TRIP12: variants seen among roughly 807,000 people sequenced by gnomAD.
TRIP12 encodes E3 ubiquitin-protein ligase TRIP12.
Under a neutral mutation model 244.2 loss-of-function variants are expected in TRIP12, and 25 were observed. That is an observed-to-expected ratio of 0.10 (90% confidence interval 0.07 to 0.14). The LOEUF (loss-of-function observed/expected upper bound fraction) is 0.14, where lower values mean the gene tolerates loss of function less well. TRIP12 is among the 10% of genes least tolerant of loss of function. The pLI, the probability that TRIP12 is intolerant of heterozygous loss-of-function variation, is 1.00. For missense variants in TRIP12, 1,677 were observed against 2,486.4 expected, an observed-to-expected ratio of 0.67 and a Z score of 6.92; for synonymous variants, 905 against 873.1, an observed-to-expected ratio of 1.04 and a Z score of -0.64.
intron 1 of TRIP12, 37 bp downstream of exon 1, chr2:229,921,843 G>A (rs1271253615): frequency 3.2e-5 from 1 of 31,504 alleles, no homozygotes; most frequent in African/African-American, 1.4e-4. Context: ...CCTCCCCCAA[G>A]GCTTGCCCCC....
rs1261539118 is a variant in TRIP12, at chr2:229,778,010, T to C, written c.5364+423A>G. On this transcript the variant is annotated intron_variant, in intron 36 of 41. Transcript: ENST00000675903. The surrounding 1 kb of genome is among the most constrained non-coding windows in gnomAD (Gnocchi z 4.1). ...GAAACATTCCAACCTCTATGAATAC[T>C]GATCACTCGGGTTATTTTCACAACA... Among the ~76,000 whole-genome samples, 5 of 152,228 alleles carry C rather than the reference T, an allele frequency of 3.3e-5. No homozygotes were observed. The highest frequency in any genetic ancestry group is 1.2e-4 in the African/African-American group (5 of 41,458).
intron 21 of TRIP12, among the ~76,000 whole-genome samples, chr2:229,801,487 G>C (rs1270032127): frequency 6.6e-6 from 1 of 152,134 alleles, no homozygotes; most frequent in African/African-American, 2.4e-5. Flanking sequence ...CTACTTTTCA[G>C]TTTAAAAGGA....
intron 34 of TRIP12, 23 bp from the exon 35 acceptor site, chr2:229,779,013 C>A (rs369969524): frequency 1.1e-5 from 17 of 1,593,728 alleles, no homozygotes; most frequent in Non-Finnish European, 1.5e-5. Flanking sequence ...ACAAGTAGAA[C>A]GATTTCAAAT....
intron 1 of TRIP12, among the ~76,000 whole-genome samples, chr2:229,884,256 AGACAGAGCCTT>A (rs1194680423): frequency 1.5e-5 from 1 of 68,608 alleles, no homozygotes; most frequent in Non-Finnish European, 2.8e-5. Context: ...TTTTTTTTTG[AGACAGAGCCTT>A]GCTCTGTTGC....
intron 34 of TRIP12, among the ~76,000 whole-genome samples, chr2:229,785,547 A>T (rs1326279119): frequency 6.6e-6 from 1 of 152,242 alleles, no homozygotes; most frequent in Non-Finnish European, 1.5e-5. Context: ...GACTAACAAC[A>T]CAAATGTGTT....
chr2:229,881,503 G>T (rs1348958458), intron 1 of TRIP12, among the ~76,000 whole-genome samples: 2 of 152,134 alleles, frequency 1.3e-5, no homozygotes, highest in African/African-American at 4.8e-5. Flanking sequence ...TTGTTTTAGA[G>T]ATTCCTTATA....
intron 1 of TRIP12, among the ~76,000 whole-genome samples, chr2:229,902,629 G>T (rs183395752): frequency 2.6e-5 from 4 of 152,154 alleles, no homozygotes; most frequent in Admixed American, 2.0e-4. Flanking sequence ...TTGAGAGCTA[G>T]ACTTCCAACA....
At chr2:229,829,785 C>G (rs369402045) in intron 7 of TRIP12, among the ~76,000 whole-genome samples, 10 of 152,236 alleles carry the variant, frequency 6.6e-5, no homozygotes, top group African/African-American at 2.2e-4. Context: ...CCCGCCTCTA[C>G]TAAAAATACA....
chr2:229,778,710 G>A lies in TRIP12; in HGVS notation c.5210-123C>T, dbSNP rs2037105823. ...ATTGGAGTGCAGATCACTGAATGAA[G>A]TCCTCTAGAACTGGACAGGCCTTCC... On this transcript the variant is annotated intron_variant, in intron 35 of 41. Transcript: ENST00000675903. This position sits in a 1 kb window ranked among gnomAD's most constrained non-coding sequence, Gnocchi z 4.1. 3 of 1,420,494 alleles carry A rather than the reference G, an allele frequency of 2.1e-6. No homozygotes were observed. Among genetic ancestry groups the A allele is most frequent in the East Asian group, 4.6e-5 (2 of 43,726 alleles). 88.0% of individuals were successfully genotyped at this position (1,420,494 alleles called of 1,614,324 possible). A position where few individuals can be genotyped will look rare whatever the true frequency, so the allele number is the denominator to read the frequency against.
intron 34 of TRIP12, among the ~76,000 whole-genome samples, chr2:229,780,465 G>C (rs147857501): frequency 6.6e-6 from 1 of 152,038 alleles, no homozygotes; most frequent in Admixed American, 6.6e-5. Flanking sequence ...ACACAAGTTC[G>C]CGGCATCCCT....
Position 229,845,995 on chromosome 2 carries a change from C to T in TRIP12, c.1028-5068G>A, listed in dbSNP as rs566320014. On this transcript the variant is annotated intron_variant, in intron 4 of 41. Coordinates refer to ENST00000675903, the MANE Select transcript of TRIP12 (RefSeq NM_001348323.3). ...CTGCGTTCCAGCCTGGGTGACAGATCGAGAGCCTCTCTTTTTTTCAAAAAA... is the reference window on the plus strand; with the variant it reads ...CTGCGTTCCAGCCTGGGTGACAGATTGAGAGCCTCTCTTTTTTTCAAAAAA... Among the ~76,000 whole-genome samples, 262 of 129,454 alleles carry T rather than the reference C, an allele frequency of 2.0e-3. 1 individual carries two copies. Among genetic ancestry groups the T allele is most frequent in the South Asian group, 0.014 (51 of 3,776 alleles). The allele number at this position is 129,454 out of a possible 152,430, so 84.9% of individuals were successfully genotyped here. A position where few individuals can be genotyped will look rare whatever the true frequency, so the allele number is the denominator to read the frequency against.
chr2:229,796,219 CTCTA>C (rs1352707463), intron 25 of TRIP12, among the ~76,000 whole-genome samples: 3 of 152,190 alleles, frequency 2.0e-5, no homozygotes, highest in Admixed American at 6.5e-5. Context: ...AATATAACTC[CTCTA>C]TCTTATTATA....
intron 1 of TRIP12, among the ~76,000 whole-genome samples, chr2:229,890,129 G>A (rs1052099121): frequency 1.3e-5 from 2 of 148,916 alleles, no homozygotes; most frequent in African/African-American, 5.0e-5. Flanking sequence ...GCCCAGGCTG[G>A]AGTGCAATGG....
chr2:229,814,789 T>G (rs1343432172), intron 11 of TRIP12, among the ~76,000 whole-genome samples: 1 of 152,224 alleles, frequency 6.6e-6, no homozygotes, highest in Non-Finnish European at 1.5e-5. Context: ...CTCAGCTACA[T>G]AATGAGGGTA....
chr2:229,853,706 G>A (rs559951984), intron 4 of TRIP12, among the ~76,000 whole-genome samples: 7 of 149,168 alleles, frequency 4.7e-5, no homozygotes, highest in Non-Finnish European at 9.0e-5. Context: ...ATACATACAT[G>A]ACCATAACTC....
chr2:229,787,475 A>G (rs2040396996), intron 33 of TRIP12, 30 bp downstream of exon 33: 3 of 1,588,104 alleles, frequency 1.9e-6, no homozygotes, highest in Non-Finnish European at 2.6e-6. Flanking sequence ...AAAAGCTCAG[A>G]TTATTTAAAG....
At chr2:229,887,699 G>T (rs1012382971) in intron 1 of TRIP12, among the ~76,000 whole-genome samples, 1 of 152,162 alleles carries the variant, frequency 6.6e-6, no homozygotes, top group Admixed American at 6.5e-5. Flanking sequence ...GGTGACAAAG[G>T]TTAAGAAAAG....
intron 21 of TRIP12, among the ~76,000 whole-genome samples, 159 bp from the exon 22 acceptor site, chr2:229,799,542 C>T (rs894798887): frequency 3.3e-5 from 5 of 151,960 alleles, no homozygotes; most frequent in South Asian, 2.1e-4. Context: ...TTTGGGAGGC[C>T]GAGGCGGGCA....
At position 229,771,139 on chromosome 2, in the gene TRIP12, C is replaced by T. The variant is rs559217655; in HGVS notation, c.5808+380G>A. Among the ~76,000 whole-genome samples the T allele has an allele frequency of 4.6e-5, 7 of 152,296 alleles. No individual in the cohort carries two copies. The South Asian group carries it at 1.5e-3, about 32-fold the overall frequency. ...CTTTGATTGTGAAACAATGTCTCATCGAAACGAAGTTTAGTTAAGGAATAA... is the reference window on the plus strand; with the variant it reads ...CTTTGATTGTGAAACAATGTCTCATTGAAACGAAGTTTAGTTAAGGAATAA... On this transcript the variant is annotated intron_variant, in intron 39 of 41. Transcript: ENST00000675903.
Sources: allele counts gnomAD v4.1 joint callset (sites outside exome capture counted in the v4.1 genomes callset), GRCh38; gene constraint gnomAD v4.1.1; non-coding constraint Gnocchi (gnomAD v3.1); transcripts MANE v1.5; gene names NCBI Gene and HGNC (gene_info 2026-07-23, HGNC 2026-07-21).